AJAP1: variants seen among roughly 807,000 people sequenced by gnomAD.
AJAP1 encodes the protein adherens junction-associated protein 1.
AJAP1 carries 5 observed loss-of-function variants against 35.0 expected under a neutral mutation model. That is an observed-to-expected ratio of 0.14 (90% CI 0.07 to 0.30). AJAP1 has a LOEUF of 0.30. Ranked by LOEUF, AJAP1 falls within the 10% of genes least tolerant of loss-of-function variation. The pLI is 1.00. For missense variants in AJAP1, 586 were observed against 571.0 expected (o/e 1.03, Z -0.27); for synonymous variants, 284 against 249.3 (o/e 1.14, Z -1.31).
Position 4,787,859 on chromosome 1 carries a change from A to G in AJAP1, c.*5374A>G, listed in dbSNP as rs1369404377. The G allele has an allele frequency of 2.6e-5, 11 of 430,310 alleles. No homozygotes were observed. Among genetic ancestry groups the G allele is most frequent in the South Asian group, 1.8e-4 (11 of 61,000 alleles). The allele number at this position is 430,310 out of a possible 1,614,324, so 26.7% of individuals were successfully genotyped here. A position where few individuals can be genotyped will look rare whatever the true frequency, so the allele number is the denominator to read the frequency against. ...CTGCATCTCCAGAAGCTCCCCCAGC[A>G]CTGAGCTCACTTAGTGGCATCCTTC... On this transcript the variant is annotated 3_prime_UTR_variant, in exon 6 of 6. Transcript: ENST00000378191.
intron 2 of AJAP1, among the ~76,000 whole-genome samples, chr1:4,721,050 G>A (rs1362550153): frequency 6.6e-6 from 1 of 152,210 alleles, no homozygotes; most frequent in Admixed American, 6.5e-5. Flanking sequence ...CCTTTACATA[G>A]CTGGAATAGC....
At chr1:4,687,657 G>A (rs1323275266) in intron 1 of AJAP1, among the ~76,000 whole-genome samples, 1 of 152,202 alleles carries the variant, frequency 6.6e-6, no homozygotes, top group African/African-American at 2.4e-5. Flanking sequence ...AGCCACAGCT[G>A]TTCAGTGCCA....
chr1:4,713,394 TTA>T (rs1640313419), intron 2 of AJAP1, among the ~76,000 whole-genome samples: 1 of 152,256 alleles, frequency 6.6e-6, no homozygotes. Flanking sequence ...TCTGCTGCTG[TTA>T]TCCTAGCTGC....
At chr1:4,667,240 T>C (rs1046889375) in intron 1 of AJAP1, among the ~76,000 whole-genome samples, 1 of 152,050 alleles carries the variant, frequency 6.6e-6, no homozygotes, top group African/African-American at 2.4e-5. Context: ...TACTCAGAAT[T>C]AGTCTGAGGG....
At chr1:4,686,716 G>A (rs2100218050) in intron 1 of AJAP1, among the ~76,000 whole-genome samples, 1 of 152,356 alleles carries the variant, frequency 6.6e-6, no homozygotes, top group East Asian at 1.9e-4. Flanking sequence ...CGTGGATGGA[G>A]CTCTTCTAGA....
chr1:4,734,289 C>T lies in AJAP1; in HGVS notation c.829+21590C>T, dbSNP rs575527368. 2.6e-5 allele frequency among the ~76,000 whole-genome samples: 4 copies of T among 152,284 alleles called. No homozygotes were observed. Among genetic ancestry groups the T allele is most frequent in the East Asian group, 1.9e-4 (1 of 5,160 alleles). On this transcript the variant is annotated intron_variant, in intron 2 of 5. Coordinates refer to ENST00000378191, the MANE Select transcript of AJAP1 (RefSeq NM_018836.4). This position sits in a 1 kb window ranked among gnomAD's most constrained non-coding sequence, Gnocchi z 4.3. ...GAGCCTCCTGCCTCACTATTAACAG[C>T]GCTGCGTCCATACTGGGAGCCAGGT...
chr1:4,749,650 G>A (rs1287415289), intron 2 of AJAP1, among the ~76,000 whole-genome samples: 1 of 152,228 alleles, frequency 6.6e-6, no homozygotes, highest in Non-Finnish European at 1.5e-5. Flanking sequence ...TCATCACCGG[G>A]AGCTGTGCAC....
intron 1 of AJAP1, among the ~76,000 whole-genome samples, chr1:4,703,717 A>G (rs1467434145): frequency 1.3e-5 from 2 of 152,138 alleles, no homozygotes; most frequent in African/African-American, 4.8e-5. Context: ...GGGGTTGGGT[A>G]TGGCCAACAC....
chr1:4,719,271 G>A (rs1640465308), intron 2 of AJAP1, among the ~76,000 whole-genome samples: 2 of 152,180 alleles, frequency 1.3e-5, no homozygotes, highest in African/African-American at 4.8e-5. Context: ...CCACACCTCG[G>A]GGTAGGAGCG....
At chr1:4,764,143 C>G (rs1454658634) in intron 2 of AJAP1, among the ~76,000 whole-genome samples, 2 of 152,110 alleles carry the variant, frequency 1.3e-5, no homozygotes, top group Non-Finnish European at 2.9e-5. Flanking sequence ...ATCACATGAG[C>G]CAATCCCATG....
chr1:4,716,591 T>C (rs1420433221), intron 2 of AJAP1, among the ~76,000 whole-genome samples: 1 of 151,632 alleles, frequency 6.6e-6, no homozygotes, highest in Non-Finnish European at 1.5e-5. Flanking sequence ...GTGATGATGG[T>C]GTTGATGATG....
rs545054270 is a variant in AJAP1, at chr1:4,658,140, C to A, written c.29+2686C>A. On this transcript the variant is annotated intron_variant, in intron 1 of 5. Transcript: ENST00000378191. ...CTGCAGACCTCAGATGCTGTGGCTTCCTCAGGGGCTCCGAGCGTCCACCTA... is the reference window on the plus strand; with the variant it reads ...CTGCAGACCTCAGATGCTGTGGCTTACTCAGGGGCTCCGAGCGTCCACCTA... 5.9e-5 allele frequency among the ~76,000 whole-genome samples: 9 copies of A among 152,292 alleles called. No homozygotes were observed. In the South Asian group the frequency reaches 1.9e-3, roughly 32 times the overall value.
chr1:4,758,185 C>G (rs1178811011), intron 2 of AJAP1, among the ~76,000 whole-genome samples: 1 of 152,132 alleles, frequency 6.6e-6, no homozygotes, highest in South Asian at 2.1e-4. Context: ...ATAAATTACC[C>G]AGTCTCAGTT....
intron 2 of AJAP1, among the ~76,000 whole-genome samples, chr1:4,741,150 G>C (rs939718062): frequency 1.3e-5 from 2 of 152,102 alleles, no homozygotes; most frequent in African/African-American, 4.8e-5. Context: ...CGGGAGCTAG[G>C]TTTCTCTCTG....
intron 4 of AJAP1, among the ~76,000 whole-genome samples, chr1:4,773,966 G>T (rs141302953): frequency 2.8e-4 from 42 of 152,322 alleles, no homozygotes; most frequent in African/African-American, 4.8e-4. Flanking sequence ...TGCTCTGTTG[G>T]GTTTCATTGG....
chr1:4,691,248 C>T (rs147033413), intron 1 of AJAP1, among the ~76,000 whole-genome samples: 33 of 152,306 alleles, frequency 2.2e-4, no homozygotes, highest in East Asian at 1.9e-4. Flanking sequence ...CAGCCACCCT[C>T]GGGTGCTCCT....
chr1:4,756,343 G>A (rs1257995078), intron 2 of AJAP1, among the ~76,000 whole-genome samples: 1 of 152,206 alleles, frequency 6.6e-6, no homozygotes, highest in Non-Finnish European at 1.5e-5. Flanking sequence ...TGGGAGCCCA[G>A]GACCAGTGCT....
At chr1:4,740,956 A>G (rs560384656) in intron 2 of AJAP1, among the ~76,000 whole-genome samples, 28 of 152,108 alleles carry the variant, frequency 1.8e-4, no homozygotes, top group Admixed American at 1.6e-3. Flanking sequence ...CCTCACGAAG[A>G]CTTGGGGCCA....
chr1:4,657,299 T>C (rs1435268858), intron 1 of AJAP1, among the ~76,000 whole-genome samples: 1 of 152,180 alleles, frequency 6.6e-6, no homozygotes, highest in Non-Finnish European at 1.5e-5. Context: ...GTTTGACCTT[T>C]CGTTTTTCCC....
Sources: allele counts gnomAD v4.1 joint callset (sites outside exome capture counted in the v4.1 genomes callset), GRCh38; gene constraint gnomAD v4.1.1; non-coding constraint Gnocchi (gnomAD v3.1); transcripts MANE v1.5; gene names NCBI Gene and HGNC (gene_info 2026-07-23, HGNC 2026-07-21).